ACBD6: variants seen among roughly 807,000 people sequenced by gnomAD.
ACBD6 encodes the protein acyl-CoA-binding domain-containing protein 6.
Under a neutral mutation model 37.2 loss-of-function variants are expected in ACBD6, and 28 were observed. The ratio of observed to expected loss-of-function variants is 0.75; its 90% confidence interval spans 0.56 to 1.03. ACBD6 has a LOEUF of 1.03. Ranked by LOEUF, ACBD6 falls within the 50% of genes least tolerant of loss-of-function variation. The pLI is 0.00. For missense variants in ACBD6, 340 were observed against 337.4 expected (o/e 1.01, Z -0.06); for synonymous variants, 113 against 126.8 (o/e 0.89, Z 0.73).
intron 6 of ACBD6, among the ~76,000 whole-genome samples, chr1:180,362,206 T>C (rs1004361257): frequency 6.6e-6 from 1 of 152,248 alleles, no homozygotes; most frequent in East Asian, 1.9e-4. Context: ...TATTTTCAAA[T>C]GGAATAATGA....
chr1:180,341,224 T>C (rs967063273), intron 6 of ACBD6, among the ~76,000 whole-genome samples: 1 of 152,180 alleles, frequency 6.6e-6, no homozygotes, highest in Non-Finnish European at 1.5e-5. Context: ...AAACAACCTA[T>C]ATATCTTAAC....
At chr1:180,447,750 G>A (rs1649528203) in intron 3 of ACBD6, among the ~76,000 whole-genome samples, 1 of 151,912 alleles carries the variant, frequency 6.6e-6, no homozygotes, top group Admixed American at 6.6e-5. Context: ...AACACCAAAG[G>A]AAATCATAAA....
At chr1:180,303,709 C>T (rs1206618077) in intron 7 of ACBD6, among the ~76,000 whole-genome samples, 3 of 150,750 alleles carry the variant, frequency 2.0e-5, no homozygotes, top group South Asian at 2.1e-4. Context: ...CCTTCTGAAA[C>T]TATTCCAATC....
intron 6 of ACBD6, among the ~76,000 whole-genome samples, chr1:180,343,209 T>A (rs886349433): frequency 6.6e-5 from 10 of 152,116 alleles, no homozygotes; most frequent in African/African-American, 2.4e-4. Flanking sequence ...AAATTGAAGC[T>A]ATGAAAGCAT....
chr1:180,429,199 T>C (rs1648716684), intron 4 of ACBD6, among the ~76,000 whole-genome samples: 1 of 152,318 alleles, frequency 6.6e-6, no homozygotes. Flanking sequence ...AACTTTTTCA[T>C]CTTGTAAAAC....
At chr1:180,384,020 C>G (rs1199356118) in intron 6 of ACBD6, among the ~76,000 whole-genome samples, 4 of 151,652 alleles carry the variant, frequency 2.6e-5, no homozygotes, top group Non-Finnish European at 5.9e-5. Flanking sequence ...AAAATCAACT[C>G]AAGATGAATC....
chr1:180,304,584 C>T (rs1301361884), intron 7 of ACBD6, among the ~76,000 whole-genome samples: 2 of 150,628 alleles, frequency 1.3e-5, no homozygotes, highest in Non-Finnish European at 3.0e-5. Flanking sequence ...CTACAAACCA[C>T]TGCTCAAGGA....
exon 14 of ACBD6, chr1:180,270,460 G>C (rs1648577757): frequency 6.6e-6 from 1 of 152,208 alleles, no homozygotes; most frequent in Non-Finnish European, 1.5e-5. Flanking sequence ...AGTGCTGGGA[G>C]AGGAAACAAA....
chr1:180,300,679 A>T (rs1650095803), intron 7 of ACBD6, among the ~76,000 whole-genome samples: 1 of 152,158 alleles, frequency 6.6e-6, no homozygotes, highest in Non-Finnish European at 1.5e-5. Context: ...AACCTGAGAG[A>T]AACAGAAGTT....
At chr1:180,482,409 T>C (rs550130759) in intron 3 of ACBD6, among the ~76,000 whole-genome samples, 1 of 151,784 alleles carries the variant, frequency 6.6e-6, no homozygotes. Flanking sequence ...CAAATAACAA[T>C]GGATGCTAGT....
chr1:180,484,265 T>C (rs1472750215), intron 3 of ACBD6, among the ~76,000 whole-genome samples: 1 of 148,164 alleles, frequency 6.7e-6, no homozygotes, highest in Non-Finnish European at 1.5e-5. Context: ...CCAAAGTTTT[T>C]ACAAAACTGC....
chr1:180,422,425 C>A (rs1448675017), intron 4 of ACBD6, among the ~76,000 whole-genome samples: 2 of 152,074 alleles, frequency 1.3e-5, no homozygotes, highest in Admixed American at 1.3e-4. Flanking sequence ...ACGCTGGTCT[C>A]GAACTCCTGA....
chr1:180,411,530 T>C (rs1647856556), intron 5 of ACBD6, among the ~76,000 whole-genome samples: 1 of 152,354 alleles, frequency 6.6e-6, no homozygotes, highest in East Asian at 1.9e-4. Context: ...AAGAAGATTA[T>C]GACTTGCTGA....
intron 6 of ACBD6, among the ~76,000 whole-genome samples, chr1:180,334,601 C>G (rs574400183): frequency 7.9e-5 from 12 of 152,168 alleles, no homozygotes; most frequent in African/African-American, 2.9e-4. Flanking sequence ...AAAATCAGAG[C>G]GCTTCTCCTC....
At chr1:180,438,738 G>T (rs1649157431) in intron 3 of ACBD6, among the ~76,000 whole-genome samples, 2 of 152,102 alleles carry the variant, frequency 1.3e-5, no homozygotes, top group Admixed American at 1.3e-4. Flanking sequence ...TGTTACAGCT[G>T]ATGAGCCTAT....
chr1:180,429,897 A>C (rs180810420), intron 4 of ACBD6, among the ~76,000 whole-genome samples: 233 of 152,316 alleles, frequency 1.5e-3, no homozygotes, highest in African/African-American at 5.3e-3. Flanking sequence ...GACACCAATG[A>C]AAAGTAATTA....
chr1:180,461,456 A>G (rs1190976884), intron 3 of ACBD6, among the ~76,000 whole-genome samples: 1 of 152,158 alleles, frequency 6.6e-6, no homozygotes, highest in East Asian at 1.9e-4. Context: ...TCCAAGACAC[A>G]TAATCATCAG....
At chr1:180,489,285 A>C (rs1429102476) in intron 3 of ACBD6, among the ~76,000 whole-genome samples, 1 of 151,862 alleles carries the variant, frequency 6.6e-6, no homozygotes, top group African/African-American at 2.4e-5. Context: ...TAAATGCCAA[A>C]TCTCTTCTGA....
chr1:180,352,944 G>C (rs1652470560), intron 6 of ACBD6, among the ~76,000 whole-genome samples: 1 of 151,988 alleles, frequency 6.6e-6, no homozygotes, highest in African/African-American at 2.4e-5. Context: ...CCTACTTCAG[G>C]GACCTTTTTA....
Sources: allele counts gnomAD v4.1 joint callset (sites outside exome capture counted in the v4.1 genomes callset), GRCh38; gene constraint gnomAD v4.1.1; transcripts MANE v1.5; gene names NCBI Gene and HGNC (gene_info 2026-07-23, HGNC 2026-07-21).